RFX1: variants seen among roughly 807,000 people sequenced by gnomAD.
RFX1 encodes MHC class II regulatory factor RFX1.
A neutral mutation model predicts 119.6 loss-of-function variants in RFX1; 42 were observed. The observed-to-expected ratio is 0.35, with a 90% confidence interval of 0.27 to 0.45. The LOEUF is 0.45. RFX1 is among the 20% of genes least tolerant of loss of function. RFX1 has a pLI of 1.00. For missense variants in RFX1, 1,118 were observed against 1,368.1 expected, an observed-to-expected ratio of 0.82 and a Z score of 2.88; for synonymous variants, 628 against 618.5, an observed-to-expected ratio of 1.02 and a Z score of -0.23.
At chr19:13,997,374 T>TCCTA (rs1238931598) in intron 1 of RFX1, among the ~76,000 whole-genome samples, 26 of 152,222 alleles carry the variant, frequency 1.7e-4, no homozygotes, top group African/African-American at 6.3e-4. Context: ...GGAGAGCCCC[T>TCCTA]ACGGCTCCAT....
Position 13,966,695 on chromosome 19 carries a change from G to C in RFX1, c.1789C>G (p.Pro597Ala). The stretch of plus-strand genomic sequence containing the variant: ...ATGTCCCCGGGCCCGACGCCCTCAG[G>C]CAGCACCTTGCCCTGGAGGTCGAGC... ...TELDLQGKVLPEGVGPGDIKA... is the reference protein window; with the variant it reads ...TELDLQGKVLAEGVGPGDIKA... Residue 597 changes from proline to alanine, a missense_variant, in exon 13 of 21, where the codon CCT becomes GCT. Coordinates refer to ENST00000254325, the MANE Select transcript of RFX1 (RefSeq NM_002918.5). The surrounding 1 kb of genome is among the most constrained non-coding windows in gnomAD (Gnocchi z 6.3). The C allele has an allele frequency of 6.2e-7, 1 of 1,611,714 alleles. No individual in the cohort carries two copies. Among genetic ancestry groups the C allele is most frequent in the Non-Finnish European group, 8.5e-7 (1 of 1,179,172 alleles).
chr19:13,991,021 C>G (rs923773480), intron 2 of RFX1, among the ~76,000 whole-genome samples: 2 of 152,118 alleles, frequency 1.3e-5, no homozygotes, highest in Admixed American at 1.3e-4. Context: ...GGTGCTGTTC[C>G]ACCTTGATGG....
chr19:13,997,697 T>A (rs542589620), intron 1 of RFX1, among the ~76,000 whole-genome samples: 2 of 152,304 alleles, frequency 1.3e-5, no homozygotes, highest in Admixed American at 6.5e-5. Context: ...CCCTCCTGGC[T>A]GGCAGGAACA....
Position 13,969,604 on chromosome 19 carries a change from A to G in RFX1, c.1496+390T>C, listed in dbSNP as rs1170166492. The stretch of plus-strand genomic sequence containing the variant: ...AACCCGTGAGGCAGAGGTTGCAGTG[A>G]GCCGAGATTGAGTCACTGCACTCCA... On this transcript the variant is annotated intron_variant, in intron 10 of 20. Transcript: ENST00000254325. This position sits in a 1 kb window ranked among gnomAD's most constrained non-coding sequence, Gnocchi z 4.5. 1 of 176,318 alleles carries G rather than the reference A, an allele frequency of 5.7e-6. No individual in the cohort carries two copies. The highest frequency in any genetic ancestry group is 1.2e-5 in the Non-Finnish European group (1 of 83,230). The allele number at this position is 176,318 out of a possible 1,614,324, so 10.9% of individuals were successfully genotyped here. A position where few individuals can be genotyped will look rare whatever the true frequency, so the allele number is the denominator to read the frequency against.
In RFX1 at chr19:13,966,760, C is replaced by G; in HGVS notation, c.1733-9G>C. 1 of 1,579,346 alleles carries G rather than the reference C, an allele frequency of 6.3e-7. No homozygotes were observed. The highest frequency in any genetic ancestry group is 8.6e-7 in the Non-Finnish European group (1 of 1,157,064). Reference sequence around the variant, plus strand: ...GAGGCTCCGAGAGGCATCTAGGGGGCCGGGGGGAACCGTGAGGCCCTTCAT... The same window carrying G: ...GAGGCTCCGAGAGGCATCTAGGGGGGCGGGGGGAACCGTGAGGCCCTTCAT... On this transcript the variant is annotated splice_polypyrimidine_tract_variant and intron_variant, in intron 12 of 20. Transcript: ENST00000254325. The surrounding 1 kb of genome is among the most constrained non-coding windows in gnomAD (Gnocchi z 6.3).
rs1974035902 is a variant in RFX1 at position 13,970,236 on chromosome 19, T to A, written c.1315-61A>T. On this transcript the variant is annotated intron_variant, in intron 9 of 20. Transcript: ENST00000254325. ...AGGCGCTTCCGTCATCTCTGAGTGC[T>A]GGGGCTGAGTGCCCCACATCGACTT... 2.1e-6 allele frequency: 3 copies of A among 1,441,454 alleles called. No homozygotes were observed. The South Asian group carries it at 4.0e-5, about 19-fold the overall frequency. 89.3% of individuals were successfully genotyped at this position (1,441,454 alleles called of 1,614,324 possible).
At chr19:13,963,820 G>T in intron 17 of RFX1, 38 bp downstream of exon 17, 1 of 1,496,278 alleles carries the variant, frequency 6.7e-7, no homozygotes, top group Non-Finnish European at 8.9e-7. Flanking sequence ...CCGTTAGGCT[G>T]CCCCTCATTC....
rs1385084150 is a variant in RFX1, at chr19:13,962,826, G to T, written c.2809C>A (p.Leu937Met). The T allele has an allele frequency of 4.6e-6, 7 of 1,527,530 alleles. No homozygotes were observed. In the East Asian group the frequency reaches 1.5e-4, roughly 32 times the overall value. The allele number at this position is 1,527,530 out of a possible 1,614,324, so 94.6% of individuals were successfully genotyped here. Residue 937 changes from leucine (L) to methionine (M), a missense_variant, in exon 21 of 21, where the codon CTG (leucine) becomes ATG (methionine). Physicochemically the swap from Leu to Met is conservative, Grantham distance 15. This residue lies in a region of RFX1 where 138 missense variants were observed against 117.8 expected (regional missense o/e 1.17). Transcript: ENST00000254325. Reference sequence around the variant, plus strand: ...GCCGCCAGTGAGATGTCCTGCGGCAGCTCGTCCTCGCTCTCCTCCTCCTCT... The same window carrying T: ...GCCGCCAGTGAGATGTCCTGCGGCATCTCGTCCTCGCTCTCCTCCTCCTCT... Reference protein sequence around the residue: ...EEEEEESEDELPQDISLAAGG... With the variant: ...EEEEEESEDEMPQDISLAAGG...
chr19:14,005,950 G>T (rs2145656260), intron 1 of RFX1, among the ~76,000 whole-genome samples, 153 bp downstream of exon 1: 1 of 150,856 alleles, frequency 6.6e-6, no homozygotes, highest in Admixed American at 6.6e-5. Flanking sequence ...GTTCCAGCCG[G>T]GCCCCGGCCC....
chr19:13,997,610 T>A (rs1193981374), intron 1 of RFX1, among the ~76,000 whole-genome samples: 1 of 152,112 alleles, frequency 6.6e-6, no homozygotes, highest in Non-Finnish European at 1.5e-5. Flanking sequence ...CTGCTGAGGA[T>A]GAAGGAAACA....
chr19:13,983,736 G>T, intron 2 of RFX1, 141 bp from the exon 3 acceptor site: 2 of 693,428 alleles, frequency 2.9e-6, no homozygotes, highest in South Asian at 3.6e-5. Context: ...CTTCCCCCTG[G>T]CCAGCCCTGA....
At chr19:13,996,856 T>C (rs1477851997) in intron 1 of RFX1, among the ~76,000 whole-genome samples, 1 of 151,722 alleles carries the variant, frequency 6.6e-6, no homozygotes, top group Non-Finnish European at 1.5e-5. Context: ...CCCGAGTAGC[T>C]GCGACTACAG....
chr19:13,962,947 C>G, intron 20 of RFX1, 47 bp downstream of exon 20: 1 of 1,547,830 alleles, frequency 6.5e-7, no homozygotes, highest in Admixed American at 2.0e-5. Context: ...CTCCGTTGTC[C>G]GCCACCCCCG....
At chr19:13,974,204 AG>A (rs1974180789) in intron 8 of RFX1, among the ~76,000 whole-genome samples, 2 of 152,212 alleles carry the variant, frequency 1.3e-5, no homozygotes, top group South Asian at 4.1e-4. Flanking sequence ...TGAAGCAGGA[AG>A]GGGGTGGGGC....
rs780527011 is a variant in RFX1 at position 13,972,980 on chromosome 19, G to A, written c.1077C>T (p.Tyr359=). 79 of 1,600,082 alleles carry A rather than the reference G, an allele frequency of 4.9e-5. No individual in the cohort carries two copies. The highest frequency in any genetic ancestry group is 6.3e-5 in the Non-Finnish European group (74 of 1,179,614). The part of the protein sequence containing the change: ...AVASSGSMPM[Y]VSGSQVVASS... ...TGGCGACGACCTGGCTGCCGGACAC[G>A]TACATGGGCATGGAGCCACTGCTGG... The change falls in exon 9 of 21, where the codon TAC becomes TAT. Residue 359 remains tyrosine (Y), a synonymous_variant. Coordinates refer to ENST00000254325, the MANE Select transcript of RFX1 (RefSeq NM_002918.5).
At chr19:13,989,289 G>A (rs1974719385) in intron 2 of RFX1, among the ~76,000 whole-genome samples, 1 of 152,150 alleles carries the variant, frequency 6.6e-6, no homozygotes, top group Non-Finnish European at 1.5e-5. Flanking sequence ...GGCGAGGCTG[G>A]GAGGCTGGCA....
At chr19:13,963,391 C>T (rs2145525913) in intron 18 of RFX1, 116 bp from the exon 19 acceptor site, 10 of 1,442,824 alleles carry the variant, frequency 6.9e-6, no homozygotes, top group Non-Finnish European at 9.3e-6. Flanking sequence ...GGCTGGATCC[C>T]GCACAGCCTT....
chr19:13,963,615 C>T lies in RFX1; in HGVS notation c.2493G>A (p.Gln831=). The part of the protein sequence containing the change: ...WAAWLDGVVS[Q]VLKPYQGSAG... ...CGCTGCCCTGGTAGGGCTTGAGCAC[C>T]TGGCTCACCACGCCGTCCAGCCAGG... The change falls in exon 18 of 21, where the codon CAG becomes CAA. Residue 831 remains glutamine, a synonymous_variant. Transcript: ENST00000254325. 1.2e-6 allele frequency: 2 copies of T among 1,603,170 alleles called. No homozygotes were observed. Among genetic ancestry groups the T allele is most frequent in the Non-Finnish European group, 1.7e-6 (2 of 1,178,454 alleles).
At chr19:13,975,142 G>T (rs1974216098) in intron 8 of RFX1, among the ~76,000 whole-genome samples, 2 of 151,858 alleles carry the variant, frequency 1.3e-5, no homozygotes, top group South Asian at 2.1e-4. Context: ...GATCACCTGA[G>T]GTCAGGAGTT....
Sources: allele counts gnomAD v4.1 joint callset (sites outside exome capture counted in the v4.1 genomes callset), GRCh38; gene constraint gnomAD v4.1.1; regional missense constraint gnomAD v4.1.1; non-coding constraint Gnocchi (gnomAD v3.1); transcripts MANE v1.5; gene names NCBI Gene and HGNC (gene_info 2026-07-23, HGNC 2026-07-21).